RARB: variants seen among roughly 807,000 people sequenced by gnomAD.
The protein encoded by RARB is retinoic acid receptor beta, also known as HBV-activated protein.
RARB carries 17 observed loss-of-function variants against 51.9 expected under a neutral mutation model. The ratio of observed to expected loss-of-function variants is 0.33; its 90% CI spans 0.22 to 0.49. RARB has a LOEUF of 0.49. Ranked by LOEUF, RARB falls within the 20% of genes least tolerant of loss-of-function variation. RARB has a pLI of 0.99. For missense variants in RARB, 369 were observed against 550.8 expected (o/e 0.67, Z 3.30); for synonymous variants, 215 against 195.4 (o/e 1.10, Z -0.84).
intron 4 of RARB, among the ~76,000 whole-genome samples, chr3:25,146,134 C>T (rs1223316241): frequency 6.6e-6 from 1 of 152,126 alleles, no homozygotes; most frequent in Non-Finnish European, 1.5e-5. Context: ...AGTTTCTTGA[C>T]CTCTCAGATA....
At chr3:25,217,654 T>C (rs760122924) in intron 5 of RARB, among the ~76,000 whole-genome samples, 61 of 152,218 alleles carry the variant, frequency 4.0e-4, no homozygotes, top group Non-Finnish European at 7.2e-4. Flanking sequence ...CCCCTGAACC[T>C]TTCTGAGACT....
chr3:25,532,547 G>T (rs1698971644), intron 3 of RARB, among the ~76,000 whole-genome samples: 1 of 152,150 alleles, frequency 6.6e-6, no homozygotes, highest in Non-Finnish European at 1.5e-5. Flanking sequence ...TTTCTCTAGT[G>T]ATAATTTATT....
At chr3:25,369,688 C>G (rs1050581780) in intron 5 of RARB, among the ~76,000 whole-genome samples, 1 of 152,058 alleles carries the variant, frequency 6.6e-6, no homozygotes, top group Non-Finnish European at 1.5e-5. Context: ...TTTGAGAGAC[C>G]GAGGCAGGCG....
At chr3:25,580,508 C>T (rs374321431) in intron 4 of RARB, 38 bp from the exon 5 acceptor site, 160 of 1,511,012 alleles carry the variant, frequency 1.1e-4, no homozygotes, top group Admixed American at 1.9e-4. Flanking sequence ...TAGAGCTTCC[C>T]GGAAACTGTA....
At chr3:25,577,414 T>C (rs966974488) in intron 4 of RARB, among the ~76,000 whole-genome samples, 1 of 152,040 alleles carries the variant, frequency 6.6e-6, no homozygotes, top group African/African-American at 2.4e-5. Flanking sequence ...AATGCAGGAA[T>C]TGAATGTGGG....
intron 3 of RARB, among the ~76,000 whole-genome samples, chr3:25,083,091 T>A (rs188826146): frequency 1.3e-5 from 2 of 151,976 alleles, no homozygotes; most frequent in Non-Finnish European, 2.9e-5. Flanking sequence ...GCTTTTAGAC[T>A]TTTTATCTTT....
chr3:24,969,194 C>G (rs943722177), intron 2 of RARB, among the ~76,000 whole-genome samples: 1 of 151,998 alleles, frequency 6.6e-6, no homozygotes, highest in Non-Finnish European at 1.5e-5. Flanking sequence ...GAAGTTTATG[C>G]ATGTTTATTT....
At chr3:25,580,464 C>T in intron 4 of RARB, 82 bp from the exon 5 acceptor site, 2 of 1,330,822 alleles carry the variant, frequency 1.5e-6, no homozygotes, top group South Asian at 3.1e-5. Flanking sequence ...GTCACCCCCT[C>T]TAATTGGAAA....
chr3:25,290,532 A>G (rs1311149162), intron 5 of RARB, among the ~76,000 whole-genome samples: 1 of 152,194 alleles, frequency 6.6e-6, no homozygotes, highest in Admixed American at 6.5e-5. Flanking sequence ...GGACACAGGA[A>G]ACACGCCTTC....
intron 5 of RARB, among the ~76,000 whole-genome samples, chr3:25,340,075 G>A (rs2125450216): frequency 6.6e-6 from 1 of 152,278 alleles, no homozygotes; most frequent in East Asian, 1.9e-4. Context: ...AGCATGTAAA[G>A]CGAAGGAGAA....
chr3:25,386,414 G>A (rs1706795453), intron 5 of RARB, among the ~76,000 whole-genome samples: 1 of 152,174 alleles, frequency 6.6e-6, no homozygotes, highest in Admixed American at 6.5e-5. Flanking sequence ...CTGATGGTAG[G>A]TGGAGTTATT....
At chr3:25,020,378 A>G (rs1209885867) in intron 2 of RARB, 2 of 152,046 alleles carry the variant, frequency 1.3e-5, no homozygotes, top group African/African-American at 2.4e-5. Flanking sequence ...AAAGTGCACT[A>G]CAGCCCAGGG....
intron 2 of RARB, among the ~76,000 whole-genome samples, chr3:24,945,720 C>T (rs1695759036): frequency 6.6e-6 from 1 of 152,224 alleles, no homozygotes; most frequent in Non-Finnish European, 1.5e-5. Context: ...TGGCCTCCAG[C>T]CAACAGAGAG....
chr3:25,373,068 G>C (rs1337223449), intron 5 of RARB, among the ~76,000 whole-genome samples: 4 of 152,122 alleles, frequency 2.6e-5, no homozygotes, highest in African/African-American at 9.7e-5. Context: ...GGACAAGAAA[G>C]GCACATGCTC....
At chr3:25,439,694 C>T (rs571102383) in intron 1 of RARB, among the ~76,000 whole-genome samples, 14 of 152,108 alleles carry the variant, frequency 9.2e-5, no homozygotes, top group East Asian at 5.8e-4. Flanking sequence ...CACTGTGTCC[C>T]GCTCAAATAT....
intron 5 of RARB, among the ~76,000 whole-genome samples, chr3:25,335,149 A>G (rs1168856352): frequency 6.6e-6 from 1 of 152,160 alleles, no homozygotes; most frequent in Non-Finnish European, 1.5e-5. Flanking sequence ...GTAATAGCAC[A>G]AGCATACTGT....
intron 3 of RARB, among the ~76,000 whole-genome samples, chr3:25,553,071 C>G (rs1286818129): frequency 6.6e-6 from 1 of 151,668 alleles, no homozygotes; most frequent in Non-Finnish European, 1.5e-5. Context: ...TTGGTGAATA[C>G]TATGAAATGC....
At chr3:25,521,889 G>GA (rs1260012921) in intron 3 of RARB, among the ~76,000 whole-genome samples, 1 of 152,088 alleles carries the variant, frequency 6.6e-6, no homozygotes, top group Non-Finnish European at 1.5e-5. Flanking sequence ...TAATTACAGT[G>GA]AAACCTAATT....
chr3:24,975,638 T>C (rs1051725925), intron 2 of RARB, among the ~76,000 whole-genome samples: 45 of 152,190 alleles, frequency 3.0e-4, no homozygotes, highest in African/African-American at 1.1e-3. Flanking sequence ...TTTATCTGAC[T>C]CCAATGCAAT....
Sources: gnomAD v4.1 joint callset for allele counts (sites outside exome capture counted in the v4.1 genomes callset) on GRCh38, gnomAD v4.1.1 for gene constraint, MANE v1.5 for transcripts, NCBI Gene and HGNC (gene_info 2026-07-23, HGNC 2026-07-21) for gene names.